PTK2B: variants seen among roughly 807,000 people sequenced by gnomAD.
The protein encoded by PTK2B is protein tyrosine kinase 2 beta.
Under a neutral mutation model 142.9 loss-of-function variants are expected in PTK2B, and 71 were observed. The ratio of observed to expected loss-of-function variants is 0.50; its 90% CI spans 0.41 to 0.61. The LOEUF is 0.61. Among genes scored for constraint, PTK2B ranks in the 20% least tolerant of loss-of-function variants. PTK2B has a pLI of 0.00. For synonymous variants in PTK2B, 519 were observed against 503.4 expected (o/e 1.03, Z -0.42); for missense variants, 1,105 against 1,320.4 (o/e 0.84, Z 2.53).
chr8:27,436,163 G>T lies in PTK2B; in HGVS notation c.1244-88G>T, dbSNP rs370609480. ...GCTGAGGTGTTATAGATCTGGTGAC[G>T]CCTGGCTTTAGAGCCTGCAGACACT... On this transcript the variant is annotated intron_variant, in intron 14 of 30. Coordinates refer to ENST00000346049, the MANE Select transcript of PTK2B (RefSeq NM_173176.3). The T allele has an allele frequency of 5.1e-5, 65 of 1,265,316 alleles. No individual in the cohort carries two copies. In the African/African-American group the frequency reaches 7.5e-4, roughly 15 times the overall value. The allele number at this position is 1,265,316 out of a possible 1,614,324, so 78.4% of individuals were successfully genotyped here. A position where few individuals can be genotyped will look rare whatever the true frequency, so the allele number is the denominator to read the frequency against.
In PTK2B at chr8:27,458,590, T is replaced by C; in HGVS notation, c.*81T>C. The C allele has an allele frequency of 2.1e-6, 3 of 1,442,020 alleles. No homozygotes were observed. The highest frequency in any genetic ancestry group is 2.8e-6 in the Non-Finnish European group (3 of 1,065,120). The allele number at this position is 1,442,020 out of a possible 1,614,324, so 89.3% of individuals were successfully genotyped here. On this transcript the variant is annotated 3_prime_UTR_variant, in exon 31 of 31. Transcript: ENST00000346049. ...CCTGCCTTGCTGTTGGTCATGTGGG[T>C]CTTCCAGGGGGAAGGCCAAGGGGAG...
intron 1 of PTK2B, among the ~76,000 whole-genome samples, chr8:27,365,739 G>T (rs967724046): frequency 5.3e-5 from 8 of 152,200 alleles, no homozygotes; most frequent in Non-Finnish European, 1.2e-4. Flanking sequence ...GTTATTATGA[G>T]TAGTAGCCTG....
chr8:27,345,640 A>G lies in PTK2B; in HGVS notation c.-38+19959A>G, dbSNP rs75453424. ...GCCTTCCCCAGCCTGCAGATATGACATTTGGATGATGGGACCCAGTAACCT... is the reference window on the plus strand; with the variant it reads ...GCCTTCCCCAGCCTGCAGATATGACGTTTGGATGATGGGACCCAGTAACCT... On this transcript the variant is annotated intron_variant, in intron 1 of 30. Coordinates refer to ENST00000346049, the MANE Select transcript of PTK2B (RefSeq NM_173176.3). Among the ~76,000 whole-genome samples, 872 of 152,314 alleles carry G rather than the reference A, an allele frequency of 5.7e-3. 11 individuals are homozygous for G. The highest frequency in any genetic ancestry group is 0.02 in the African/African-American group (844 of 41,560).
chr8:27,391,134 G>T (rs1266886349), intron 1 of PTK2B, among the ~76,000 whole-genome samples: 2 of 150,598 alleles, frequency 1.3e-5, no homozygotes, highest in East Asian at 1.9e-4. Flanking sequence ...AGTCTGGAGT[G>T]CAATGGTGCA....
chr8:27,328,223 G>T (rs1156903575), intron 1 of PTK2B, among the ~76,000 whole-genome samples: 1 of 152,256 alleles, frequency 6.6e-6, no homozygotes, highest in Non-Finnish European at 1.5e-5. Context: ...ATGAATTAAA[G>T]TAGAGAATCC....
chr8:27,311,796 C>T (rs1802981604), intron 1 of PTK2B: 1 of 152,530 alleles, frequency 6.6e-6, no homozygotes, highest in African/African-American at 2.4e-5. Flanking sequence ...TTTGGCCAGT[C>T]TTCTTCTGGC....
chr8:27,373,366 C>A (rs921779266), intron 1 of PTK2B, among the ~76,000 whole-genome samples: 2 of 152,194 alleles, frequency 1.3e-5, no homozygotes, highest in African/African-American at 2.4e-5. Context: ...TCACATAGTT[C>A]TTTGCCTGGG....
At chr8:27,347,214 T>TAAAA (rs3050365) in intron 1 of PTK2B, among the ~76,000 whole-genome samples, 12 of 141,894 alleles carry the variant, frequency 8.5e-5, no homozygotes, top group African/African-American at 2.4e-4. Flanking sequence ...CCATCTCTAC[T>TAAAA]AAAAAAAAAA....
chr8:27,367,904 C>T (rs1207705545), intron 1 of PTK2B, among the ~76,000 whole-genome samples: 1 of 152,256 alleles, frequency 6.6e-6, no homozygotes, highest in Non-Finnish European at 1.5e-5. Context: ...CCAGGCCCCA[C>T]CTCCCACACT....
At chr8:27,451,915 G>A in intron 27 of PTK2B, 1 of 368,996 alleles carries the variant, frequency 2.7e-6, no homozygotes, top group Non-Finnish European at 3.9e-6. Flanking sequence ...GAGAGAAAGT[G>A]AGAGGGGCAG....
chr8:27,397,753 A>G lies in PTK2B; in HGVS notation c.169A>G (p.Lys57Glu), dbSNP rs1808147271. The change falls in exon 2 of 31, where the codon AAA becomes GAA. Residue 57 changes from lysine to glutamate, a missense_variant. By Grantham distance (56) the Lys-to-Glu change is moderately conservative. Coordinates refer to ENST00000346049, the MANE Select transcript of PTK2B (RefSeq NM_173176.3). ...CAGCTTCAATCCTGGGAAAAACTTC[A>G]AACTGGTCAAATGCACTGTCCAGAC... ...SNSFNPGKNF[K>E]LVKCTVQTEI... The G allele has an allele frequency of 6.2e-7, 1 of 1,614,130 alleles. No individual in the cohort carries two copies. Among genetic ancestry groups the G allele is most frequent in the Non-Finnish European group, 8.5e-7 (1 of 1,180,040 alleles).
At chr8:27,380,241 G>A (rs1806932717) in intron 1 of PTK2B, among the ~76,000 whole-genome samples, 1 of 152,056 alleles carries the variant, frequency 6.6e-6, no homozygotes, top group South Asian at 2.1e-4. Context: ...TTGGATCCCT[G>A]AGACCTTTTT....
intron 1 of PTK2B, among the ~76,000 whole-genome samples, chr8:27,330,153 G>A (rs904311591): frequency 1.3e-5 from 2 of 152,220 alleles, no homozygotes; most frequent in East Asian, 3.9e-4. Context: ...AGATGCACCC[G>A]CTTAATAATA....
At chr8:27,398,334 G>A (rs1384232227) in intron 2 of PTK2B, among the ~76,000 whole-genome samples, 1 of 152,166 alleles carries the variant, frequency 6.6e-6, no homozygotes, top group Non-Finnish European at 1.5e-5. Context: ...CTCCTACCCA[G>A]AATCACAACA....
intron 9 of PTK2B, 87 bp from the exon 10 acceptor site, chr8:27,432,173 C>A: frequency 8.5e-7 from 1 of 1,177,252 alleles, no homozygotes; most frequent in Non-Finnish European, 1.2e-6. Flanking sequence ...CCAGTTCCTC[C>A]TCACCCCGGC....
intron 2 of PTK2B, among the ~76,000 whole-genome samples, chr8:27,408,041 T>C (rs1808830612): frequency 6.6e-6 from 1 of 152,164 alleles, no homozygotes; most frequent in Admixed American, 6.5e-5. Context: ...CTGTTGGGGC[T>C]CAGAAAACAA....
intron 21 of PTK2B, among the ~76,000 whole-genome samples, chr8:27,441,572 G>T (rs572467538): frequency 6.6e-6 from 1 of 152,180 alleles, no homozygotes; most frequent in Non-Finnish European, 1.5e-5. Flanking sequence ...GCAATGCCCA[G>T]GCCAGGGGCA....
intron 1 of PTK2B, among the ~76,000 whole-genome samples, chr8:27,345,041 T>C (rs1456619976): frequency 3.3e-5 from 5 of 152,160 alleles, no homozygotes; most frequent in Non-Finnish European, 4.4e-5. Flanking sequence ...TGGGCACCTG[T>C]AATCCCAGCT....
In PTK2B at chr8:27,371,987, CAT is replaced by C. The variant is rs143903971; in HGVS notation, c.-37-25558_-37-25557del. On this transcript the variant is annotated intron_variant, in intron 1 of 30. Coordinates refer to ENST00000346049, the MANE Select transcript of PTK2B (RefSeq NM_173176.3). ...ATATGACGCTTGAGCTAGGGACACT[CAT>C]ATGTTCTGCAAGGGGAACAGGGTGT... Among the ~76,000 whole-genome samples, 977 of 152,336 alleles carry C rather than the reference CAT, an allele frequency of 6.4e-3. 11 individuals carry two copies. The highest frequency in any genetic ancestry group is 0.023 in the African/African-American group (951 of 41,578).
Sources: allele counts gnomAD v4.1 joint callset (sites outside exome capture counted in the v4.1 genomes callset), GRCh38; gene constraint gnomAD v4.1.1; transcripts MANE v1.5; gene names NCBI Gene and HGNC (gene_info 2026-07-23, HGNC 2026-07-21).